NRG2: variants seen among roughly 807,000 people sequenced by gnomAD.
NRG2 encodes pro-neuregulin-2, membrane-bound isoform.
A neutral mutation model predicts 73.9 loss-of-function variants in NRG2; 27 were observed. That is an observed-to-expected ratio of 0.37 (90% CI 0.27 to 0.50). The LOEUF is 0.50. Among genes scored for constraint, NRG2 ranks in the 20% least tolerant of loss-of-function variants. NRG2 has a pLI of 0.96. For synonymous variants in NRG2, 532 were observed against 541.0 expected, an observed-to-expected ratio of 0.98 and a Z score of 0.23; for missense variants, 1,126 against 1,210.1, an observed-to-expected ratio of 0.93 and a Z score of 1.03.
chr5:140,005,842 AG>A (rs1758855217), intron 1 of NRG2, among the ~76,000 whole-genome samples: 1 of 152,100 alleles, frequency 6.6e-6, no homozygotes, highest in Non-Finnish European at 1.5e-5. Flanking sequence ...AGGAGGGGGT[AG>A]GGTTCAGGGG....
intron 4 of NRG2, among the ~76,000 whole-genome samples, chr5:139,867,790 G>GTGTA (rs1762564806): frequency 1.5e-5 from 2 of 134,412 alleles, no homozygotes; most frequent in East Asian, 2.0e-4. Context: ...GTGTGTGTGT[G>GTGTA]TGTGTGTATG....
At position 139,995,940 on chromosome 5, in the gene NRG2, G is replaced by A. The variant is rs147540265; in HGVS notation, c.700+46430C>T. On this transcript the variant is annotated intron_variant, in intron 1 of 9. Coordinates refer to ENST00000361474, the MANE Select transcript of NRG2 (RefSeq NM_004883.3). The stretch of plus-strand genomic sequence containing the variant: ...CTGAAATAGGAGAATGGCTTGAGCC[G>A]AGAAATTTGAGGCTACCATGAGCTA... 2.1e-4 allele frequency among the ~76,000 whole-genome samples: 32 copies of A among 152,208 alleles called. 1 individual carries two copies. The East Asian group carries it at 4.6e-3, about 22-fold the overall frequency.
At position 139,851,364 on chromosome 5, in the gene NRG2, A is replaced by G. The variant is rs1761404725; in HGVS notation, c.1772+240T>C. Among the ~76,000 whole-genome samples the G allele has an allele frequency of 6.6e-6, 1 of 152,216 alleles. No individual in the cohort carries two copies. Among genetic ancestry groups the G allele is most frequent in the Non-Finnish European group, 1.5e-5 (1 of 68,032 alleles). On this transcript the variant is annotated intron_variant, in intron 9 of 9. Transcript: ENST00000361474. This position sits in a 1 kb window ranked among gnomAD's most constrained non-coding sequence, Gnocchi z 4.2. The stretch of plus-strand genomic sequence containing the variant: ...GTGTGAAAAGTGTCCTGGGAGGACA[A>G]TTAAATTAGATGGTCACTGTCCACC...
intron 1 of NRG2, among the ~76,000 whole-genome samples, chr5:139,917,253 AT>A (rs553938869): frequency 4.6e-5 from 7 of 151,602 alleles, no homozygotes; most frequent in African/African-American, 1.7e-4. Context: ...ATTTTGTTTC[AT>A]TTTTTTTGTT....
At chr5:140,025,381 G>A (rs1249605151) in intron 1 of NRG2, among the ~76,000 whole-genome samples, 1 of 152,126 alleles carries the variant, frequency 6.6e-6, no homozygotes, top group Admixed American at 6.5e-5. Flanking sequence ...TGTTCCTTGG[G>A]CATGGCACAT....
chr5:139,951,147 G>A (rs1249616914), intron 1 of NRG2, among the ~76,000 whole-genome samples: 2 of 152,216 alleles, frequency 1.3e-5, no homozygotes, highest in East Asian at 1.9e-4. Flanking sequence ...TGTGGGCCAA[G>A]CCCTGGATGC....
rs1761147049 is a variant in NRG2 at position 139,848,287 on chromosome 5, C to CGCGGCCGCGGCG, written c.2171_2182dup (p.Pro724_Pro727dup). The CGCGGCCGCGGCG allele has an allele frequency of 8.9e-6, 10 of 1,124,152 alleles. No individual in the cohort carries two copies. The highest frequency in any genetic ancestry group is 4.6e-5 in the East Asian group (1 of 21,974). 69.6% of individuals were successfully genotyped at this position (1,124,152 alleles called of 1,614,324 possible). A position where few individuals can be genotyped will look rare whatever the true frequency, so the allele number is the denominator to read the frequency against. On this transcript the variant is annotated inframe_insertion, in exon 10 of 10. Coordinates refer to ENST00000361474, the MANE Select transcript of NRG2 (RefSeq NM_004883.3). ...CGTCCTGCGGGACGCACCGCGCGCG[C>CGCGGCCGCGGCG]GCGGCCGCGGCGGCGGCGGGGGCGC...
In NRG2 at chr5:139,963,954, T is replaced by C. The variant is rs1336747135; in HGVS notation, c.701-76443A>G. Among the ~76,000 whole-genome samples, 6 of 152,326 alleles carry C rather than the reference T, an allele frequency of 3.9e-5. No homozygotes were observed. In the East Asian group the frequency reaches 1.2e-3, roughly 29 times the overall value. ...TTTTTCCTTTTCTTCTAATCTCAGA[T>C]TGAAGACCTATTATTTCCAAGCCAG... On this transcript the variant is annotated intron_variant, in intron 1 of 9. Transcript: ENST00000361474.
intron 1 of NRG2, among the ~76,000 whole-genome samples, chr5:139,955,821 A>G (rs941279328): frequency 1.3e-5 from 2 of 152,154 alleles, no homozygotes; most frequent in African/African-American, 4.8e-5. Flanking sequence ...GAAGTGTAAC[A>G]GGAGCCTGGA....
intron 1 of NRG2, among the ~76,000 whole-genome samples, chr5:139,990,574 G>C (rs1186416433): frequency 1.3e-5 from 2 of 152,192 alleles, no homozygotes; most frequent in East Asian, 3.9e-4. Flanking sequence ...CCAAAGTGCT[G>C]GGATTACAGG....
At chr5:140,034,153 G>C (rs1054938475) in intron 1 of NRG2, among the ~76,000 whole-genome samples, 46 of 152,082 alleles carry the variant, frequency 3.0e-4, no homozygotes, top group Non-Finnish European at 5.3e-4. Flanking sequence ...ATACAGATAG[G>C]ATTTAACCAT....
At position 139,848,089 on chromosome 5, in the gene NRG2, G is replaced by A; in HGVS notation, c.2381C>T (p.Pro794Leu). Reference sequence around the variant, plus strand: ...GTGCGCCCCACGCAGGCCCAGGAAAGGTGTGCTCTCGGCCGCCAGCGCCCC... The same window carrying A: ...GTGCGCCCCACGCAGGCCCAGGAAAAGTGTGCTCTCGGCCGCCAGCGCCCC... ...ADGALAAESTPFLGLRGAHDA... is the reference protein window; with the variant it reads ...ADGALAAESTLFLGLRGAHDA... Residue 794 changes from proline to leucine, a missense_variant, in exon 10 of 10, where the codon CCT (proline) becomes CTT (leucine). This residue lies in a region of NRG2 where 402 missense variants were observed against 357.8 expected (regional missense o/e 1.12). Coordinates refer to ENST00000361474, the MANE Select transcript of NRG2 (RefSeq NM_004883.3). 6.7e-7 allele frequency: 1 copy of A among 1,488,538 alleles called. No homozygotes were observed. The highest frequency in any genetic ancestry group is 8.9e-7 in the Non-Finnish European group (1 of 1,126,772). 92.2% of individuals were successfully genotyped at this position (1,488,538 alleles called of 1,614,324 possible).
chr5:140,020,609 T>A (rs1315717519), intron 1 of NRG2, among the ~76,000 whole-genome samples: 2 of 152,306 alleles, frequency 1.3e-5, no homozygotes, highest in East Asian at 3.9e-4. Context: ...ATCTGTGCAA[T>A]GAGAAAGAAT....
intron 1 of NRG2, among the ~76,000 whole-genome samples, chr5:140,014,088 C>T (rs184306210): frequency 1.3e-5 from 2 of 152,090 alleles, no homozygotes; most frequent in East Asian, 1.9e-4. Context: ...ATATTTATAC[C>T]TCCAGCCCCT....
In NRG2 at chr5:139,865,426, A is replaced by T. The variant is rs530611655; in HGVS notation, c.1189+123T>A. On this transcript the variant is annotated intron_variant, in intron 5 of 9. Transcript: ENST00000361474. The surrounding 1 kb of genome is among the most constrained non-coding windows in gnomAD (Gnocchi z 5.2). ...ACCAAAATACAAAAAAGAAAAGAGAAACAAAACAAAACAGCCAAAGATCAA... is the reference window on the plus strand; with the variant it reads ...ACCAAAATACAAAAAAGAAAAGAGATACAAAACAAAACAGCCAAAGATCAA... The T allele has an allele frequency of 5.8e-5, 45 of 778,692 alleles. No homozygotes were observed. The African/African-American group carries it at 6.2e-4, about 11-fold the overall frequency. The allele number at this position is 778,692 out of a possible 1,614,324, so 48.2% of individuals were successfully genotyped here. A position where few individuals can be genotyped will look rare whatever the true frequency, so the allele number is the denominator to read the frequency against.
chr5:139,859,942 A>C, intron 5 of NRG2: 1 of 1,588,012 alleles, frequency 6.3e-7, no homozygotes, highest in Non-Finnish European at 8.6e-7. Flanking sequence ...AGGGTCACAA[A>C]GGGAGGGGTG....
At chr5:139,912,547 C>T (rs1340927879) in intron 1 of NRG2, among the ~76,000 whole-genome samples, 1 of 152,174 alleles carries the variant, frequency 6.6e-6, no homozygotes, top group East Asian at 1.9e-4. Flanking sequence ...AGCTCTGGCC[C>T]TGCCCTCCTT....
chr5:139,871,988 A>G, intron 3 of NRG2, 147 bp from the exon 4 acceptor site: 1 of 1,140,384 alleles, frequency 8.8e-7, no homozygotes, highest in Non-Finnish European at 1.2e-6. Flanking sequence ...GGTCCCTTCT[A>G]GTCACAAATA....
chr5:140,030,272 G>A (rs768324112), intron 1 of NRG2, among the ~76,000 whole-genome samples: 22 of 152,160 alleles, frequency 1.4e-4, no homozygotes, highest in Admixed American at 3.3e-4. Flanking sequence ...CAAACCCACT[G>A]GGACTCTTTA....
Sources: gnomAD v4.1 joint callset for allele counts (sites outside exome capture counted in the v4.1 genomes callset) on GRCh38, gnomAD v4.1.1 for gene constraint, gnomAD v4.1.1 regional missense constraint, Gnocchi (gnomAD v3.1) non-coding constraint, MANE v1.5 for transcripts, NCBI Gene and HGNC (gene_info 2026-07-23, HGNC 2026-07-21) for gene names.